ELK4: variants seen among roughly 807,000 people sequenced by gnomAD.
ELK4 encodes ETS domain-containing protein Elk-4.
A neutral mutation model predicts 29.6 loss-of-function variants in ELK4; 16 were observed. The ratio of observed to expected loss-of-function variants is 0.54; its 90% CI spans 0.37 to 0.82. The LOEUF is 0.82. Ranked by LOEUF, ELK4 falls within the 40% of genes least tolerant of loss-of-function variation. The probability of loss-of-function intolerance (pLI) is 0.00; values close to 1 mark genes in which losing one functional copy is unlikely to be tolerated. For missense variants in ELK4, 465 were observed against 507.1 expected (o/e 0.92, Z 0.80); for synonymous variants, 213 against 191.1 (o/e 1.11, Z -0.95).
chr1:205,622,811 T>C (rs757992387), intron 2 of ELK4, among the ~76,000 whole-genome samples: 2 of 152,184 alleles, frequency 1.3e-5, no homozygotes, highest in Non-Finnish European at 2.9e-5. Context: ...TAATTAGGAA[T>C]AAAATATGTG....
rs1391363990 is a variant in ELK4, at chr1:205,609,395, A to C, written c.*7151T>G. 5.2e-6 allele frequency: 1 copy of C among 193,002 alleles called. No individual in the cohort carries two copies. Among genetic ancestry groups the C allele is most frequent in the East Asian group, 8.2e-5 (1 of 12,198 alleles). 12.0% of individuals were successfully genotyped at this position (193,002 alleles called of 1,614,324 possible). A position where few individuals can be genotyped will look rare whatever the true frequency, so the allele number is the denominator to read the frequency against. ...CTTCCCTGCCCACAAAGATAAATGA[A>C]ACTGCTCAAAGGCAAAAATAAAGAA... is the stretch of plus-strand genomic sequence containing the variant. On this transcript the variant is annotated 3_prime_UTR_variant, in exon 5 of 5. Transcript: ENST00000357992.
In ELK4 at chr1:205,616,454, A is replaced by C; in HGVS notation, c.*92T>G. The C allele has an allele frequency of 8.7e-7, 1 of 1,146,562 alleles. No homozygotes were observed. The highest frequency in any genetic ancestry group is 1.3e-5 in the South Asian group (1 of 75,516). 71.0% of individuals were successfully genotyped at this position (1,146,562 alleles called of 1,614,324 possible). On this transcript the variant is annotated 3_prime_UTR_variant, in exon 5 of 5. Coordinates refer to ENST00000357992, the MANE Select transcript of ELK4 (RefSeq NM_001973.4). ...AAAATCACAATAGTCTATTATCAGC[A>C]TTGTAGAACTATCAATTGCTCACTT...
At position 205,631,698 on chromosome 1, in the gene ELK4, C is replaced by T. The variant is rs1364670849; in HGVS notation, c.-76G>A. ...CACGATGCGCCTCTCCGCCCTCAGC[C>T]TCCTCCTCACGCTGGAAACTCGAGG... On this transcript the variant is annotated 5_prime_UTR_variant, in exon 1 of 5. Coordinates refer to ENST00000357992, the MANE Select transcript of ELK4 (RefSeq NM_001973.4). 2.9e-6 allele frequency: 1 copy of T among 342,500 alleles called. No individual in the cohort carries two copies. Among genetic ancestry groups the T allele is most frequent in the Non-Finnish European group, 6.0e-6 (1 of 165,980 alleles). 21.2% of individuals were successfully genotyped at this position (342,500 alleles called of 1,614,324 possible).
intron 2 of ELK4, 147 bp downstream of exon 2, chr1:205,623,529 G>A (rs932694937): frequency 1.2e-5 from 10 of 807,894 alleles, no homozygotes; most frequent in Non-Finnish European, 2.0e-5. Flanking sequence ...CGGTTAGGCT[G>A]GTCTTGAACT....
rs1670224521 is a variant in ELK4 at position 205,615,811 on chromosome 1, C to G, written c.*735G>C. The G allele has an allele frequency of 4.7e-6, 1 of 211,804 alleles. No homozygotes were observed. Among genetic ancestry groups the G allele is most frequent in the Non-Finnish European group, 9.6e-6 (1 of 104,670 alleles). 13.1% of individuals were successfully genotyped at this position (211,804 alleles called of 1,614,324 possible). A position where few individuals can be genotyped will look rare whatever the true frequency, so the allele number is the denominator to read the frequency against. On this transcript the variant is annotated 3_prime_UTR_variant, in exon 5 of 5. Coordinates refer to ENST00000357992, the MANE Select transcript of ELK4 (RefSeq NM_001973.4). ...ATATTCTTACTAGGTGTTCCAAAAA[C>G]TGTCTTAAACCCCAGGTCTAAAAAT...
At chr1:205,619,135 C>T in intron 3 of ELK4, 62 bp from the exon 4 acceptor site, 1 of 1,372,534 alleles carries the variant, frequency 7.3e-7, no homozygotes, top group South Asian at 1.6e-5. Flanking sequence ...ATCCTTGAAA[C>T]AGCACACAAA....
At chr1:205,619,318 T>C in intron 3 of ELK4, 2 of 1,064,994 alleles carry the variant, frequency 1.9e-6, no homozygotes, top group Non-Finnish European at 2.3e-6. Flanking sequence ...TACAAGTGGT[T>C]TTTGGTTACA....
At chr1:205,617,209 A>G (rs774094355) in intron 4 of ELK4, among the ~76,000 whole-genome samples, 22 of 152,222 alleles carry the variant, frequency 1.4e-4, no homozygotes, top group Non-Finnish European at 2.5e-4. Flanking sequence ...AAAAAATATG[A>G]AAAATTCTCA....
chr1:205,622,460 C>T (rs1670370037), intron 2 of ELK4, among the ~76,000 whole-genome samples: 1 of 152,188 alleles, frequency 6.6e-6, no homozygotes. Context: ...GGTGTGTGAT[C>T]ATGGCTCACT....
rs1670295567 is a variant in ELK4 at position 205,619,676 on chromosome 1, CCGAGAGAGAG to C, written c.1080+280_1080+289del. The C allele has an allele frequency of 5.0e-6, 7 of 1,395,396 alleles. No homozygotes were observed. In the South Asian group the frequency reaches 1.3e-4, roughly 25 times the overall value. 86.4% of individuals were successfully genotyped at this position (1,395,396 alleles called of 1,614,324 possible). ...TAAGACACCAACGAGTTTTATAAGACCGAGAGAGAGCGAGAGAGTGTGTGTACTTTCTTTA... is the reference window on the plus strand; with the variant it reads ...TAAGACACCAACGAGTTTTATAAGACCGAGAGAGTGTGTGTACTTTCTTTA... On this transcript the variant is annotated intron_variant, in intron 3 of 4. Transcript: ENST00000357992.
chr1:205,630,826 T>G (rs917480021), intron 1 of ELK4, among the ~76,000 whole-genome samples: 13 of 152,306 alleles, frequency 8.5e-5, no homozygotes, highest in Middle Eastern at 3.4e-3. Context: ...GCACCAAGTT[T>G]TCCAAGCCAG....
intron 1 of ELK4, chr1:205,625,958 T>C (rs547740791): frequency 1.3e-5 from 12 of 929,630 alleles, no homozygotes; most frequent in Admixed American, 6.8e-5. Context: ...ATTACAGGCA[T>C]AAGCCACTGC....
rs1219027434 is a variant in ELK4 at position 205,614,822 on chromosome 1, T to A, written c.*1724A>T. ...TGATTCTACAGGATTAGAAGACGAG[T>A]TTAACCGGTGGGAGAGATTGGTGGG... On this transcript the variant is annotated 3_prime_UTR_variant, in exon 5 of 5. Transcript: ENST00000357992. 4 of 227,208 alleles carry A rather than the reference T, an allele frequency of 1.8e-5. No homozygotes were observed. The East Asian group carries it at 2.5e-4, about 14-fold the overall frequency. 14.1% of individuals were successfully genotyped at this position (227,208 alleles called of 1,614,324 possible).
In ELK4 at chr1:205,610,893, A is replaced by AT. The variant is rs1670141025; in HGVS notation, c.*5652dup. The AT allele has an allele frequency of 8.7e-6, 2 of 228,942 alleles. No homozygotes were observed. Among genetic ancestry groups the AT allele is most frequent in the Admixed American group, 1.1e-4 (2 of 17,642 alleles). The allele number at this position is 228,942 out of a possible 1,614,324, so 14.2% of individuals were successfully genotyped here. A position where few individuals can be genotyped will look rare whatever the true frequency, so the allele number is the denominator to read the frequency against. The stretch of plus-strand genomic sequence containing the variant: ...AGAAATGGTCTAGTCTCCCAATTAA[A>AT]TATTTCAAAGTAAAGTTTTCAACCT... On this transcript the variant is annotated 3_prime_UTR_variant, in exon 5 of 5. Coordinates refer to ENST00000357992, the MANE Select transcript of ELK4 (RefSeq NM_001973.4).
At chr1:205,621,468 A>C (rs1670349199) in intron 2 of ELK4, among the ~76,000 whole-genome samples, 1 of 152,178 alleles carries the variant, frequency 6.6e-6, no homozygotes, top group South Asian at 2.1e-4. Flanking sequence ...CTGCAGTCTC[A>C]AACAATTCCA....
chr1:205,625,976 C>T, intron 1 of ELK4: 1 of 1,141,066 alleles, frequency 8.8e-7, no homozygotes, highest in South Asian at 1.2e-5. Context: ...TGCGCCCGGC[C>T]CAGTTCTACT....
At chr1:205,627,597 A>G (rs1460219916) in intron 1 of ELK4, among the ~76,000 whole-genome samples, 2 of 152,210 alleles carry the variant, frequency 1.3e-5, no homozygotes, top group Non-Finnish European at 2.9e-5. Flanking sequence ...AAGGAGGTGA[A>G]TTTTATGGTA....
In ELK4 at chr1:205,610,724, A is replaced by G. The variant is rs940990923; in HGVS notation, c.*5822T>C. The G allele has an allele frequency of 3.9e-5, 9 of 232,216 alleles. No homozygotes were observed. Among genetic ancestry groups the G allele is most frequent in the Admixed American group, 1.7e-4 (3 of 17,740 alleles). The allele number at this position is 232,216 out of a possible 1,614,324, so 14.4% of individuals were successfully genotyped here. A position where few individuals can be genotyped will look rare whatever the true frequency, so the allele number is the denominator to read the frequency against. On this transcript the variant is annotated 3_prime_UTR_variant, in exon 5 of 5. Transcript: ENST00000357992. Reference sequence around the variant, plus strand: ...AAATTTTTTTAAGTTTTAGTATAAAATAGACTAGGAGCCATCAATGTATGT... The same window carrying G: ...AAATTTTTTTAAGTTTTAGTATAAAGTAGACTAGGAGCCATCAATGTATGT...
At chr1:205,621,193 T>TTAAA (rs775843424) in intron 2 of ELK4, among the ~76,000 whole-genome samples, 1 of 77,452 alleles carries the variant, frequency 1.3e-5, no homozygotes, top group Non-Finnish European at 2.5e-5. Context: ...GAGTCTGTCT[T>TTAAA]AAAAAAAAAA....
Sources: allele counts gnomAD v4.1 joint callset (sites outside exome capture counted in the v4.1 genomes callset), GRCh38; gene constraint gnomAD v4.1.1; transcripts MANE v1.5; gene names NCBI Gene and HGNC (gene_info 2026-07-23, HGNC 2026-07-21).